Variants in SCAF8 observed in about 807,000 individuals in gnomAD.
SCAF8 encodes the protein SR-related CTD associated factor 8, also known as SR-related and CTD-associated factor 8.
Under a neutral mutation model 140.5 loss-of-function variants are expected in SCAF8, and 23 were observed. That is an observed-to-expected ratio of 0.16 (90% CI 0.12 to 0.23). SCAF8 has a LOEUF of 0.23. SCAF8 is among the 10% of genes least tolerant of loss of function. SCAF8 has a pLI of 1.00. For synonymous variants in SCAF8, 575 were observed against 528.9 expected (o/e 1.09, Z -1.20); for missense variants, 1,397 against 1,555.7 (o/e 0.90, Z 1.72).
chr6:154,769,616 AGTTTT>A, intron 1 of SCAF8, among the ~76,000 whole-genome samples: 2 of 152,336 alleles, frequency 1.3e-5, no homozygotes, highest in Admixed American at 1.3e-4. Context: ...GTGCTCTAAA[AGTTTT>A]CTATACGATG....
chr6:154,741,414 C>CTT (rs879496269), intron 1 of SCAF8, among the ~76,000 whole-genome samples: 1 of 148,754 alleles, frequency 6.7e-6, no homozygotes, highest in African/African-American at 2.5e-5. Context: ...TCATTTGCTT[C>CTT]TTTTTTTTTT....
At chr6:154,763,200 CT>C (rs1169465238) in intron 1 of SCAF8, among the ~76,000 whole-genome samples, 1 of 151,966 alleles carries the variant, frequency 6.6e-6, no homozygotes, top group Admixed American at 6.6e-5. Context: ...ATACCTTTTT[CT>C]TTCTTGAGTT....
intron 1 of SCAF8, among the ~76,000 whole-genome samples, chr6:154,740,504 A>C (rs1253771748): frequency 6.6e-6 from 1 of 152,096 alleles, no homozygotes; most frequent in African/African-American, 2.4e-5. Flanking sequence ...TTACCACTAG[A>C]TAATAAGCTC....
At chr6:154,774,432 A>G (rs1776861304) in intron 2 of SCAF8, among the ~76,000 whole-genome samples, 1 of 152,150 alleles carries the variant, frequency 6.6e-6, no homozygotes, top group Non-Finnish European at 1.5e-5. Flanking sequence ...ACATTCTTCC[A>G]TAAATTTTTT....
intron 5 of SCAF8, among the ~76,000 whole-genome samples, chr6:154,793,548 C>T (rs1016116420): frequency 1.6e-4 from 24 of 151,570 alleles, no homozygotes; most frequent in Admixed American, 2.6e-4. Context: ...TGCGCAGTGA[C>T]TAACACCTGT....
intron 12 of SCAF8, among the ~76,000 whole-genome samples, chr6:154,810,682 A>G (rs1778064404): frequency 6.6e-6 from 1 of 152,234 alleles, no homozygotes; most frequent in African/African-American, 2.4e-5. Context: ...TTAGTCAATT[A>G]CGTATGATTA....
chr6:154,787,850 T>C lies in SCAF8; in HGVS notation c.160-11T>C. On this transcript the variant is annotated splice_polypyrimidine_tract_variant and intron_variant, in intron 3 of 19. Coordinates refer to ENST00000367178, the MANE Select transcript of SCAF8 (RefSeq NM_014892.5). ...GTTTCCTTTCCTTTTCATTCTTCTT[T>C]TTTTCATCAGTGTAAACCAGAATAC... is the stretch of plus-strand genomic sequence containing the variant. The C allele has an allele frequency of 1.3e-6, 2 of 1,580,532 alleles. No homozygotes were observed. Among genetic ancestry groups the C allele is most frequent in the Non-Finnish European group, 8.6e-7 (1 of 1,164,744 alleles).
chr6:154,787,326 C>G (rs1419174251), intron 3 of SCAF8, among the ~76,000 whole-genome samples: 1 of 152,174 alleles, frequency 6.6e-6, no homozygotes, highest in Non-Finnish European at 1.5e-5. Context: ...CCACTGCACT[C>G]CAGGCTGGAT....
intron 1 of SCAF8, among the ~76,000 whole-genome samples, chr6:154,749,162 G>A (rs1041734041): frequency 6.6e-6 from 1 of 152,088 alleles, no homozygotes; most frequent in South Asian, 2.1e-4. Flanking sequence ...GGCTGGTCTC[G>A]AACTCCCGAC....
chr6:154,796,280 TTTA>T (rs1269608957), intron 6 of SCAF8, among the ~76,000 whole-genome samples: 2 of 152,068 alleles, frequency 1.3e-5, no homozygotes, highest in Non-Finnish European at 2.9e-5. Flanking sequence ...GATTAAAAAT[TTTA>T]TTAGTGAAGA....
chr6:154,763,946 A>G (rs189822559), intron 1 of SCAF8, among the ~76,000 whole-genome samples: 2 of 152,184 alleles, frequency 1.3e-5, no homozygotes, highest in African/African-American at 2.4e-5. Flanking sequence ...AATGGTTACT[A>G]TCTGGCCCTT....
At chr6:154,762,727 G>A (rs1419890661) in intron 1 of SCAF8, among the ~76,000 whole-genome samples, 1 of 152,010 alleles carries the variant, frequency 6.6e-6, no homozygotes, top group Non-Finnish European at 1.5e-5. Context: ...TGAGGCTTTG[G>A]AAGTTTCATT....
In SCAF8 at chr6:154,831,106, C is replaced by T. The variant is rs1403948277; in HGVS notation, c.2325C>T (p.Asp775=). The T allele has an allele frequency of 1.9e-6, 3 of 1,611,772 alleles. No individual in the cohort carries two copies. Among genetic ancestry groups the T allele is most frequent in the South Asian group, 1.1e-5 (1 of 91,024 alleles). ...AAGAAAAAGTACCTCATCTTATAGA[C>T]CACCAGATTTCTTCTGGTGAAAACA... is the stretch of plus-strand genomic sequence containing the variant. ...EPEEKVPHLI[D]HQISSGENTR... is the part of the protein sequence containing the mutation. The change falls in exon 19 of 20, where the codon GAC becomes GAT. Residue 775 remains aspartate, a synonymous_variant. Coordinates refer to ENST00000367178, the MANE Select transcript of SCAF8 (RefSeq NM_014892.5).
chr6:154,778,558 A>G (rs542424001), intron 3 of SCAF8, among the ~76,000 whole-genome samples: 1 of 152,178 alleles, frequency 6.6e-6, no homozygotes, highest in Non-Finnish European at 1.5e-5. Context: ...TGAGGCCAGG[A>G]GTTCAAGACT....
At chr6:154,764,534 A>G (rs1373299161) in intron 1 of SCAF8, among the ~76,000 whole-genome samples, 1 of 152,234 alleles carries the variant, frequency 6.6e-6, no homozygotes, top group Non-Finnish European at 1.5e-5. Context: ...GAGTAACAGC[A>G]TAGCAGGCAC....
In SCAF8 at chr6:154,784,152, TATA is replaced by T. The variant is rs1562444229; in HGVS notation, c.160-3708_160-3706del. 4.7e-3 allele frequency among the ~76,000 whole-genome samples: 537 copies of T among 113,774 alleles called. 15 individuals carry two copies. Among genetic ancestry groups the T allele is most frequent in the South Asian group, 0.028 (94 of 3,322 alleles). The allele number at this position is 113,774 out of a possible 152,430, so 74.6% of individuals were successfully genotyped here. On this transcript the variant is annotated intron_variant, in intron 3 of 19. Transcript: ENST00000367178. Reference sequence around the variant, plus strand: ...ATATATATATATATATATATATATATATATATTTATTTATTTATTTTTCATGTA... The same window carrying T: ...ATATATATATATATATATATATATATTATTTATTTATTTATTTTTCATGTA...
intron 1 of SCAF8, among the ~76,000 whole-genome samples, chr6:154,741,493 G>A (rs1420550414): frequency 2.0e-5 from 3 of 151,676 alleles, no homozygotes; most frequent in African/African-American, 4.8e-5. Context: ...TGCAACCTCC[G>A]CCTCCTGGGT....
chr6:154,756,099 T>C (rs1191006120), intron 1 of SCAF8, among the ~76,000 whole-genome samples: 1 of 152,268 alleles, frequency 6.6e-6, no homozygotes, highest in Non-Finnish European at 1.5e-5. Context: ...ATTTTTATTT[T>C]GACACTAAAT....
intron 1 of SCAF8, among the ~76,000 whole-genome samples, chr6:154,767,782 G>T (rs1483811228): frequency 6.6e-6 from 1 of 152,026 alleles, no homozygotes; most frequent in African/African-American, 2.4e-5. Context: ...CAAGTGAGCT[G>T]CCTGCCTTGG....
Sources: gnomAD v4.1 joint callset for allele counts (sites outside exome capture counted in the v4.1 genomes callset) on GRCh38, gnomAD v4.1.1 for gene constraint, MANE v1.5 for transcripts, NCBI Gene and HGNC (gene_info 2026-07-23, HGNC 2026-07-21) for gene names.